FARP1: variants seen among roughly 807,000 people sequenced by gnomAD.
The protein encoded by FARP1 is FERM, ARHGEF and pleckstrin domain-containing protein 1.
In FARP1, 52 loss-of-function variants were observed where a neutral mutation model predicts 128.8. The observed-to-expected ratio is 0.40, with a 90% confidence interval of 0.32 to 0.51. FARP1 has a LOEUF of 0.51. Ranked by LOEUF, FARP1 falls within the 20% of genes least tolerant of loss-of-function variation. The pLI, the probability that FARP1 is intolerant of heterozygous loss-of-function variation, is 0.45. For synonymous variants in FARP1, 580 were observed against 551.8 expected (o/e 1.05, Z -0.72); for missense variants, 1,333 against 1,367.9 (o/e 0.97, Z 0.40).
chr13:98,440,063 C>A lies in FARP1; in HGVS notation c.2516+20C>A, dbSNP rs1374312379. 3 of 1,609,870 alleles carry A rather than the reference C, an allele frequency of 1.9e-6. No individual in the cohort carries two copies. In the South Asian group the frequency reaches 3.3e-5, roughly 18 times the overall value. The stretch of plus-strand genomic sequence containing the variant: ...CGCCAGGTAACTCGGGAGCCCGCCC[C>A]TTGCCTGTTTCCCCTTTGATGTGCT... On this transcript the variant is annotated intron_variant, in intron 22 of 26. Coordinates refer to ENST00000319562, the MANE Select transcript of FARP1 (RefSeq NM_005766.4).
At chr13:98,416,481 T>C (rs1891380140) in intron 16 of FARP1, among the ~76,000 whole-genome samples, 2 of 152,214 alleles carry the variant, frequency 1.3e-5, no homozygotes, top group Non-Finnish European at 2.9e-5. Flanking sequence ...TGTCACCTTC[T>C]CCTGAGTAAA....
intron 1 of FARP1, among the ~76,000 whole-genome samples, chr13:98,198,458 C>T (rs1274052564): frequency 4.6e-5 from 7 of 152,126 alleles, no homozygotes; most frequent in East Asian, 3.9e-4. Context: ...GGAGGCCAGG[C>T]GCGGTGGCTC....
chr13:98,396,999 A>C (rs1388156530), intron 13 of FARP1: 1 of 152,490 alleles, frequency 6.6e-6, no homozygotes, highest in Non-Finnish European at 1.5e-5. Flanking sequence ...TTCAAGGCCA[A>C]ATGTAAATTG....
Position 98,454,230 on chromosome 13 carries a change from C to T in FARP1, c.*5913C>T, listed in dbSNP as rs1471754532. ...AAAGATGCTGATGAGATTTGGGCTA[C>T]AGTGGTGGGATCATGGGTAATTTCT... On this transcript the variant is annotated 3_prime_UTR_variant, in exon 27 of 27. Coordinates refer to ENST00000319562, the MANE Select transcript of FARP1 (RefSeq NM_005766.4). The T allele has an allele frequency of 6.6e-6, 1 of 152,162 alleles. No individual in the cohort carries two copies. The highest frequency in any genetic ancestry group is 1.5e-5 in the Non-Finnish European group (1 of 68,028). The allele number at this position is 152,162 out of a possible 1,614,324, so 9.4% of individuals were successfully genotyped here. A position where few individuals can be genotyped will look rare whatever the true frequency, so the allele number is the denominator to read the frequency against.
At chr13:98,423,259 T>C (rs374397755) in intron 16 of FARP1, among the ~76,000 whole-genome samples, 21 of 152,330 alleles carry the variant, frequency 1.4e-4, no homozygotes, top group East Asian at 1.2e-3. Context: ...CACCCAGGAT[T>C]GATACTTTAC....
At chr13:98,427,117 C>T (rs890285271) in intron 17 of FARP1, among the ~76,000 whole-genome samples, 1 of 152,028 alleles carries the variant, frequency 6.6e-6, no homozygotes, top group Non-Finnish European at 1.5e-5. Flanking sequence ...TATATAATGA[C>T]AGGGATCCAC....
Position 98,453,070 on chromosome 13 carries a change from C to T in FARP1, c.*4753C>T, listed in dbSNP as rs1434065336. 32 of 1,383,086 alleles carry T rather than the reference C, an allele frequency of 2.3e-5. No homozygotes were observed. The highest frequency in any genetic ancestry group is 2.1e-4 in the East Asian group (9 of 42,188). The allele number at this position is 1,383,086 out of a possible 1,614,324, so 85.7% of individuals were successfully genotyped here. On this transcript the variant is annotated 3_prime_UTR_variant, in exon 27 of 27. Coordinates refer to ENST00000319562, the MANE Select transcript of FARP1 (RefSeq NM_005766.4). The stretch of plus-strand genomic sequence containing the variant: ...GGCGCTGGGGTGGCTCCCAGTGGCG[C>T]ACCTCTTCGGTGGAGTCAGCGAAGG...
chr13:98,289,281 G>A (rs1885340986), intron 2 of FARP1, among the ~76,000 whole-genome samples: 1 of 152,062 alleles, frequency 6.6e-6, no homozygotes, highest in Non-Finnish European at 1.5e-5. Context: ...TTGTACTTTG[G>A]CTAATGCAGA....
intron 2 of FARP1, among the ~76,000 whole-genome samples, chr13:98,305,332 CT>C (rs34321434): frequency 0.4 from 57,920 of 145,762 alleles, 11,599 homozygotes; most frequent in East Asian, 0.69. Context: ...GAATTTCTTT[CT>C]TTTTTTTTTT....
chr13:98,350,168 A>G (rs1888355330), intron 3 of FARP1, among the ~76,000 whole-genome samples: 1 of 152,118 alleles, frequency 6.6e-6, no homozygotes, highest in South Asian at 2.1e-4. Flanking sequence ...GTTGACAGGC[A>G]GGTCCCCAGA....
chr13:98,422,373 CG>C (rs1792648968), intron 16 of FARP1, among the ~76,000 whole-genome samples: 1 of 152,062 alleles, frequency 6.6e-6, no homozygotes. Context: ...AGCAGAGGAG[CG>C]GTGCCAATTA....
chr13:98,376,983 G>A (rs1360582277), intron 5 of FARP1, among the ~76,000 whole-genome samples: 2 of 152,056 alleles, frequency 1.3e-5, no homozygotes, highest in Non-Finnish European at 2.9e-5. Flanking sequence ...CACCAAAAAT[G>A]TTGACATGCT....
At chr13:98,406,366 T>C (rs1890971767) in intron 13 of FARP1, 1 of 152,222 alleles carries the variant, frequency 6.6e-6, no homozygotes. Context: ...TTAGCAAAAC[T>C]GAACTGTAGA....
intron 3 of FARP1, among the ~76,000 whole-genome samples, chr13:98,344,531 A>G (rs1016176707): frequency 5.3e-5 from 8 of 152,206 alleles, no homozygotes; most frequent in African/African-American, 1.9e-4. Flanking sequence ...GACATCCAGC[A>G]GGCAGTGCCA....
chr13:98,435,655 C>G lies in FARP1; in HGVS notation c.2223C>G (p.His741Gln). Residue 741 changes from histidine (H) to glutamine (Q), a missense_variant, in exon 19 of 27, where the codon CAC (histidine) becomes CAG (glutamine). His to Gln is a conservative substitution (Grantham distance 24, BLOSUM62 0). This residue lies in a region of FARP1 where 1,009 missense variants were observed against 969.8 expected (regional missense o/e 1.04). Transcript: ENST00000319562. ...MIKMENFQKL[H>Q]ELKKDLIGID... ...AGATGGAGAATTTCCAGAAGCTGCA[C>G]GAACTCAAGAAAGATTTGATTGGCA... 6.2e-7 allele frequency: 1 copy of G among 1,614,034 alleles called. No homozygotes were observed. Among genetic ancestry groups the G allele is most frequent in the Non-Finnish European group, 8.5e-7 (1 of 1,179,982 alleles).
At position 98,455,070 on chromosome 13, in the gene FARP1, AAC is replaced by A; in HGVS notation, c.*6760_*6761del. 6.6e-6 allele frequency: 1 copy of A among 152,240 alleles called. No homozygotes were observed. Among genetic ancestry groups the A allele is most frequent in the Admixed American group, 6.5e-5 (1 of 15,288 alleles). The allele number at this position is 152,240 out of a possible 1,614,324, so 9.4% of individuals were successfully genotyped here. A position where few individuals can be genotyped will look rare whatever the true frequency, so the allele number is the denominator to read the frequency against. On this transcript the variant is annotated 3_prime_UTR_variant, in exon 27 of 27. Coordinates refer to ENST00000319562, the MANE Select transcript of FARP1 (RefSeq NM_005766.4). ...CTGAATGGAGATGTGCTAAGTGTAA[AAC>A]ACACACCAACTCCAAAGACGGTCCC...
intron 13 of FARP1, among the ~76,000 whole-genome samples, chr13:98,408,062 G>A (rs537694132): frequency 2.6e-5 from 4 of 152,248 alleles, no homozygotes; most frequent in Middle Eastern, 3.4e-3. Flanking sequence ...TTGAGAAAGC[G>A]CTGACTTTGT....
chr13:98,246,303 G>A (rs12868321), intron 2 of FARP1, among the ~76,000 whole-genome samples: 50,728 of 137,682 alleles, frequency 0.37, 9,133 homozygotes, highest in East Asian at 0.62. Context: ...CACCGTGTTA[G>A]CCAGGATGGT....
intron 3 of FARP1, among the ~76,000 whole-genome samples, chr13:98,349,005 G>C (rs1321971756): frequency 6.6e-6 from 1 of 152,218 alleles, no homozygotes; most frequent in Non-Finnish European, 1.5e-5. Context: ...GTGGCTGCCT[G>C]TCCTTGGATC....
Sources: allele counts gnomAD v4.1 joint callset (sites outside exome capture counted in the v4.1 genomes callset), GRCh38; gene constraint gnomAD v4.1.1; regional missense constraint gnomAD v4.1.1; transcripts MANE v1.5; gene names NCBI Gene and HGNC (gene_info 2026-07-23, HGNC 2026-07-21).